DPF3: variants seen among roughly 807,000 people sequenced by gnomAD.
DPF3 encodes double PHD fingers 3.
DPF3 carries 18 observed loss-of-function variants against 56.8 expected under a neutral mutation model. That is an observed-to-expected ratio of 0.32 (90% CI 0.22 to 0.47). The LOEUF (loss-of-function observed/expected upper bound fraction) is 0.47. Among genes scored for constraint, DPF3 ranks in the 20% least tolerant of loss-of-function variants. The pLI, the probability that DPF3 is intolerant of heterozygous loss-of-function variation, is 1.00. For missense variants in DPF3, 403 were observed against 488.8 expected, an observed-to-expected ratio of 0.82 and a Z score of 1.65; for synonymous variants, 188 against 180.2, an observed-to-expected ratio of 1.04 and a Z score of -0.35.
intron 1 of DPF3, chr14:72,879,771 G>A: frequency 1.3e-6 from 2 of 1,520,914 alleles, no homozygotes; most frequent in Non-Finnish European, 1.8e-6. Context: ...AGACTAACAA[G>A]TTCACACACG....
At chr14:72,840,818 A>G (rs1218435564) in intron 1 of DPF3, among the ~76,000 whole-genome samples, 2 of 152,226 alleles carry the variant, frequency 1.3e-5, no homozygotes, top group Non-Finnish European at 2.9e-5. Flanking sequence ...TTTTCCAACC[A>G]GACAAAAGGC....
At chr14:72,861,902 G>A (rs972490726) in intron 1 of DPF3, among the ~76,000 whole-genome samples, 1 of 152,128 alleles carries the variant, frequency 6.6e-6, no homozygotes. Context: ...TCAAAATACA[G>A]CATGTTCTAT....
chr14:72,836,218 C>T, intron 1 of DPF3: 1 of 985,592 alleles, frequency 1.0e-6, no homozygotes, highest in South Asian at 4.7e-5. Context: ...CGGTGTTCTG[C>T]AGATCATATC....
chr14:72,657,810 G>A (rs1311590496), intron 8 of DPF3, among the ~76,000 whole-genome samples: 3 of 152,132 alleles, frequency 2.0e-5, no homozygotes, highest in Non-Finnish European at 4.4e-5. Flanking sequence ...GCTTCACCCA[G>A]AGCTGAGTAG....
At chr14:72,766,043 T>C (rs1047990014) in intron 2 of DPF3, among the ~76,000 whole-genome samples, 4 of 152,180 alleles carry the variant, frequency 2.6e-5, no homozygotes, top group Non-Finnish European at 5.9e-5. Flanking sequence ...TCTAAACACA[T>C]AGGAAACCTT....
chr14:72,653,474 G>A (rs1430627082), intron 8 of DPF3, among the ~76,000 whole-genome samples: 4 of 152,188 alleles, frequency 2.6e-5, no homozygotes, highest in Admixed American at 6.5e-5. Flanking sequence ...CAGCAGTCAG[G>A]GCTTGCAAGC....
intron 7 of DPF3, among the ~76,000 whole-genome samples, chr14:72,678,207 G>C (rs1386585700): frequency 6.6e-6 from 1 of 152,192 alleles, no homozygotes; most frequent in Non-Finnish European, 1.5e-5. Context: ...TGTCCCCAGA[G>C]ATTGTGCCTC....
intron 1 of DPF3, among the ~76,000 whole-genome samples, chr14:72,832,468 C>T (rs1187733769): frequency 6.6e-6 from 1 of 152,132 alleles, no homozygotes; most frequent in Admixed American, 6.5e-5. Flanking sequence ...TCCGCAGCTA[C>T]AGCAATCTTA....
intron 1 of DPF3, among the ~76,000 whole-genome samples, chr14:72,847,283 C>G (rs1884797523): frequency 6.6e-6 from 1 of 152,170 alleles, no homozygotes; most frequent in African/African-American, 2.4e-5. Flanking sequence ...GGGGTAGGTA[C>G]TGGAGTTAAG....
At chr14:72,725,587 A>C (rs1889373626) in intron 4 of DPF3, among the ~76,000 whole-genome samples, 1 of 152,096 alleles carries the variant, frequency 6.6e-6, no homozygotes, top group Non-Finnish European at 1.5e-5. Flanking sequence ...TAGTAAGGGG[A>C]ACAAGTACCA....
chr14:72,705,184 C>T (rs1888353524), intron 6 of DPF3, among the ~76,000 whole-genome samples: 1 of 152,152 alleles, frequency 6.6e-6, no homozygotes, highest in African/African-American at 2.4e-5. Context: ...ACCACCTGAG[C>T]TCCACCTTCT....
At chr14:72,641,381 A>T (rs976079539) in intron 8 of DPF3, among the ~76,000 whole-genome samples, 2 of 152,184 alleles carry the variant, frequency 1.3e-5, no homozygotes, top group Admixed American at 6.5e-5. Context: ...TCATTTTCTG[A>T]TGTAGATTCT....
intron 1 of DPF3, among the ~76,000 whole-genome samples, chr14:72,848,622 T>C (rs1884852830): frequency 6.6e-6 from 1 of 152,332 alleles, no homozygotes; most frequent in East Asian, 1.9e-4. Flanking sequence ...TAAATATTTG[T>C]TAGCTGAATG....
rs999230509 is a variant in DPF3 at position 72,830,988 on chromosome 14, C to T, written c.33-59095G>A. On this transcript the variant is annotated intron_variant, in intron 1 of 10. Coordinates refer to ENST00000556509, the MANE Select transcript of DPF3 (RefSeq NM_001280542.3). ...GGAGCACTGTGGAAGCCGTATCAAT[C>T]GCCCCCACCTATGAGAGCCTTTCTT... Among the ~76,000 whole-genome samples, 11 of 152,184 alleles carry T rather than the reference C, an allele frequency of 7.2e-5. No homozygotes were observed. In the South Asian group the frequency reaches 2.1e-3, roughly 29 times the overall value.
rs148954207 is a variant in DPF3, at chr14:72,727,315, C to T, written c.430-3587G>A. Among the ~76,000 whole-genome samples the T allele has an allele frequency of 6.3e-3, 966 of 152,288 alleles. 2 individuals are homozygous for T. The highest frequency in any genetic ancestry group is 0.024 in the Middle Eastern group (7 of 294). On this transcript the variant is annotated intron_variant, in intron 4 of 10. Transcript: ENST00000556509. ...CAACTCGACCAGATGCGGTGGCTCA[C>T]GCCTGTAATCCCAGCACTTTGGGAG...
At chr14:72,679,981 C>T (rs1887087487) in intron 7 of DPF3, among the ~76,000 whole-genome samples, 1 of 152,172 alleles carries the variant, frequency 6.6e-6, no homozygotes, top group Admixed American at 6.5e-5. Flanking sequence ...AGGCCACTGC[C>T]ACAGCCTGCT....
chr14:72,796,995 A>T (rs1892672560), intron 1 of DPF3, among the ~76,000 whole-genome samples: 1 of 152,192 alleles, frequency 6.6e-6, no homozygotes. Flanking sequence ...ACCTGGATAG[A>T]AGACTAAGTA....
At chr14:72,873,725 A>T (rs1379414330) in intron 1 of DPF3, among the ~76,000 whole-genome samples, 1 of 152,212 alleles carries the variant, frequency 6.6e-6, no homozygotes, top group African/African-American at 2.4e-5. Flanking sequence ...CATATACACC[A>T]TGGAATACTA....
rs533238550 is a variant in DPF3 at position 72,879,744 on chromosome 14, A to G, written c.32+14313T>C. 2,716 of 1,489,150 alleles carry G rather than the reference A, an allele frequency of 1.8e-3. 5 individuals carry two copies. The highest frequency in any genetic ancestry group is 2.3e-3 in the Non-Finnish European group (2,552 of 1,121,348). 92.2% of individuals were successfully genotyped at this position (1,489,150 alleles called of 1,614,324 possible). A position where few individuals can be genotyped will look rare whatever the true frequency, so the allele number is the denominator to read the frequency against. The stretch of plus-strand genomic sequence containing the variant: ...ACAAGAGTCGTCTCTCTGGGCAGGG[A>G]CACAGAGCATCCCCTCAGACTAACA... On this transcript the variant is annotated intron_variant, in intron 1 of 10. Coordinates refer to ENST00000556509, the MANE Select transcript of DPF3 (RefSeq NM_001280542.3).
Sources: allele counts gnomAD v4.1 joint callset (sites outside exome capture counted in the v4.1 genomes callset), GRCh38; gene constraint gnomAD v4.1.1; transcripts MANE v1.5; gene names NCBI Gene and HGNC (gene_info 2026-07-23, HGNC 2026-07-21).